Variants in SPTLC2 observed in about 807,000 individuals in gnomAD.
SPTLC2 encodes serine palmitoyltransferase long chain base subunit 2.
Under a neutral mutation model 62.0 loss-of-function variants are expected in SPTLC2, and 21 were observed. The observed-to-expected ratio is 0.34, with a 90% CI of 0.24 to 0.49. The LOEUF (loss-of-function observed/expected upper bound fraction) is 0.49, where lower values mean the gene tolerates loss of function less well. SPTLC2 is among the 20% of genes least tolerant of loss of function. The pLI, the probability that SPTLC2 is intolerant of heterozygous loss-of-function variation, is 0.99. For missense variants in SPTLC2, 511 were observed against 713.0 expected, an observed-to-expected ratio of 0.72 and a Z score of 3.23; for synonymous variants, 261 against 261.8, an observed-to-expected ratio of 1.00 and a Z score of 0.03.
At chr14:77,527,943 CAT>C (rs2079417481) in intron 9 of SPTLC2, among the ~76,000 whole-genome samples, 1 of 152,190 alleles carries the variant, frequency 6.6e-6, no homozygotes, top group Non-Finnish European at 1.5e-5. Flanking sequence ...CCAACAAAAA[CAT>C]GTTTGAGCCT....
chr14:77,533,009 A>C (rs2079448981), intron 9 of SPTLC2, among the ~76,000 whole-genome samples: 1 of 151,730 alleles, frequency 6.6e-6, no homozygotes, highest in African/African-American at 2.4e-5. Flanking sequence ...TAAAAAATTT[A>C]AATGTCAGCT....
intron 9 of SPTLC2, among the ~76,000 whole-genome samples, chr14:77,548,795 C>A (rs918608426): frequency 6.6e-6 from 1 of 152,162 alleles, no homozygotes; most frequent in Non-Finnish European, 1.5e-5. Flanking sequence ...GGAGCGCTCA[C>A]AAAGTCGTGT....
intron 9 of SPTLC2, among the ~76,000 whole-genome samples, chr14:77,545,283 G>A (rs1453472953): frequency 7.8e-6 from 1 of 128,708 alleles, no homozygotes; most frequent in Non-Finnish European, 1.7e-5. Context: ...TTTTTTTTTT[G>A]AGATGGGAGT....
At chr14:77,587,607 A>T (rs1349748290) in intron 2 of SPTLC2, among the ~76,000 whole-genome samples, 1 of 151,934 alleles carries the variant, frequency 6.6e-6, no homozygotes, top group Non-Finnish European at 1.5e-5. Context: ...CTCTACTATA[A>T]ATACAAAAAA....
rs35192294 is a variant in SPTLC2, at chr14:77,533,300, CAAAAAAAAAAA to C, written c.1304-11730_1304-11720del. On this transcript the variant is annotated intron_variant, in intron 9 of 11. Coordinates refer to ENST00000216484, the MANE Select transcript of SPTLC2 (RefSeq NM_004863.4). The stretch of plus-strand genomic sequence containing the variant: ...GGGTGACAAGAGCGAAACTCCGTTG[CAAAAAAAAAAA>C]AAAAAAAAAGTAACTGTCTCTGGGT... Among the ~76,000 whole-genome samples, 4 of 98,500 alleles carry C rather than the reference CAAAAAAAAAAA, an allele frequency of 4.1e-5. No homozygotes were observed. The Admixed American group carries it at 4.5e-4, about 11-fold the overall frequency. 64.6% of individuals were successfully genotyped at this position (98,500 alleles called of 152,430 possible).
intron 1 of SPTLC2, among the ~76,000 whole-genome samples, chr14:77,607,658 A>G (rs563406578): frequency 6.0e-4 from 91 of 152,196 alleles, no homozygotes; most frequent in African/African-American, 2.1e-3. Flanking sequence ...TTCCATACTT[A>G]TTTTTGCTAT....
At chr14:77,580,554 G>GAAAA (rs11322822) in intron 2 of SPTLC2, among the ~76,000 whole-genome samples, 6 of 129,382 alleles carry the variant, frequency 4.6e-5, no homozygotes, top group Admixed American at 8.1e-5. Context: ...TTTTAAAAAA[G>GAAAA]AAAAAAAAAA....
intron 1 of SPTLC2, among the ~76,000 whole-genome samples, chr14:77,606,297 A>G (rs1391097517): frequency 6.6e-6 from 1 of 152,104 alleles, no homozygotes; most frequent in Admixed American, 6.6e-5. Context: ...GTGCCACTGC[A>G]CTCCAGCCTG....
chr14:77,552,264 C>G, intron 8 of SPTLC2, 42 bp from the exon 9 acceptor site: 3 of 1,611,222 alleles, frequency 1.9e-6, no homozygotes, highest in Non-Finnish European at 2.5e-6. Flanking sequence ...ACAATTCTTG[C>G]ATTCACCGGC....
At chr14:77,532,853 T>G (rs1035109310) in intron 9 of SPTLC2, among the ~76,000 whole-genome samples, 7 of 152,112 alleles carry the variant, frequency 4.6e-5, no homozygotes, top group Middle Eastern at 3.4e-3. Context: ...CTGCTTTTTT[T>G]GGAGGGCTAT....
chr14:77,551,827 G>A (rs770682754), intron 9 of SPTLC2, among the ~76,000 whole-genome samples: 1 of 152,078 alleles, frequency 6.6e-6, no homozygotes, highest in African/African-American at 2.4e-5. Context: ...AACCTCGAAG[G>A]TATATTACCT....
chr14:77,532,454 G>A (rs56208416), intron 9 of SPTLC2, among the ~76,000 whole-genome samples: 31,975 of 152,050 alleles, frequency 0.21, 3,926 homozygotes, highest in East Asian at 0.29. Flanking sequence ...GGAGGCTGAT[G>A]GACGGCTGGC....
At chr14:77,615,626 C>A (rs1228169061) in intron 1 of SPTLC2, among the ~76,000 whole-genome samples, 3 of 152,318 alleles carry the variant, frequency 2.0e-5, no homozygotes, top group South Asian at 4.1e-4. Flanking sequence ...CAGTCCAGAC[C>A]ACTGTAAGGT....
intron 3 of SPTLC2, among the ~76,000 whole-genome samples, chr14:77,577,482 C>T (rs973523395): frequency 2.1e-4 from 32 of 152,186 alleles, no homozygotes; most frequent in African/African-American, 7.5e-4. Context: ...ATTATTAACA[C>T]AGCCCAACAT....
At chr14:77,578,897 C>T in intron 3 of SPTLC2, 58 bp downstream of exon 3, 2 of 1,578,976 alleles carry the variant, frequency 1.3e-6, no homozygotes, top group Non-Finnish European at 1.7e-6. Context: ...AACATATTTT[C>T]TCAAATGAAG....
chr14:77,583,181 T>C (rs959335547), intron 2 of SPTLC2, among the ~76,000 whole-genome samples: 7 of 144,808 alleles, frequency 4.8e-5, no homozygotes, highest in Admixed American at 2.2e-4. Context: ...GCCTGGGCAA[T>C]AGAGTGAAAA....
chr14:77,519,498 C>T lies in SPTLC2; in HGVS notation c.1440-1331G>A, dbSNP rs915134349. 3.3e-5 allele frequency among the ~76,000 whole-genome samples: 5 copies of T among 152,120 alleles called. No homozygotes were observed. In the East Asian group the frequency reaches 9.7e-4, roughly 30 times the overall value. ...TTGGGAGGCCGAGGCGGGCAGATCA[C>T]CTGAGGTCAGGAGTTGGAGACCAGC... On this transcript the variant is annotated intron_variant, in intron 10 of 11. Transcript: ENST00000216484.
chr14:77,526,082 A>C (rs564070638), intron 9 of SPTLC2, among the ~76,000 whole-genome samples: 6 of 145,234 alleles, frequency 4.1e-5, no homozygotes, highest in Admixed American at 1.4e-4. Context: ...CAGTAAAATA[A>C]ATGTAGACAA....
In SPTLC2 at chr14:77,616,483, T is replaced by G. The variant is rs1214741913; in HGVS notation, c.97A>C (p.Ser33Arg). The change falls in exon 1 of 12, where the codon AGC becomes CGC. Residue 33 changes from serine (S) to arginine (R), a missense_variant. Transcript: ENST00000216484. ...GCGGCTGCGGCTGCGGCTGCAGCGC[T>G]GCTCCTCACGTACCCGTTCCGTACT... is the stretch of plus-strand genomic sequence containing the variant. ...GEVRNGYVRS[S>R]AAAAAAAAAG... is the part of the protein sequence containing the mutation. 2.0e-6 allele frequency: 3 copies of G among 1,522,690 alleles called. No homozygotes were observed. In the African/African-American group the frequency reaches 4.2e-5, roughly 21 times the overall value. 94.3% of individuals were successfully genotyped at this position (1,522,690 alleles called of 1,614,324 possible).
Sources: allele counts gnomAD v4.1 joint callset (sites outside exome capture counted in the v4.1 genomes callset), GRCh38; gene constraint gnomAD v4.1.1; transcripts MANE v1.5; gene names NCBI Gene and HGNC (gene_info 2026-07-23, HGNC 2026-07-21).